UNC13B: variants seen among roughly 807,000 people sequenced by gnomAD.
The protein encoded by UNC13B is unc-13 homolog B, also known as protein unc-13 homolog B.
A neutral mutation model predicts 211.0 loss-of-function variants in UNC13B; 144 were observed. The observed-to-expected ratio is 0.68, with a 90% CI of 0.60 to 0.78. The LOEUF (loss-of-function observed/expected upper bound fraction) is 0.78, where lower values mean the gene tolerates loss of function less well. Among genes scored for constraint, UNC13B ranks in the 30% least tolerant of loss-of-function variants. The pLI, the probability that UNC13B is intolerant of heterozygous loss-of-function variation, is 0.00. For missense variants in UNC13B, 1,777 were observed against 2,002.0 expected, an observed-to-expected ratio of 0.89 and a Z score of 2.14; for synonymous variants, 709 against 725.8, an observed-to-expected ratio of 0.98 and a Z score of 0.37.
intron 1 of UNC13B, among the ~76,000 whole-genome samples, chr9:35,204,475 G>A (rs769398652): frequency 3.9e-5 from 6 of 152,176 alleles, no homozygotes; most frequent in African/African-American, 1.2e-4. Flanking sequence ...GGCACTCAAC[G>A]CCAGCCTGTG....
rs1169432214 is a variant in UNC13B, at chr9:35,165,688, A to T, written c.22+3383A>T. Among the ~76,000 whole-genome samples, 3 of 152,130 alleles carry T rather than the reference A, an allele frequency of 2.0e-5. No homozygotes were observed. In the East Asian group the frequency reaches 5.8e-4, roughly 29 times the overall value. ...CACCTCGGCCTCCCAAAGTGCTGGG[A>T]TTACAGGCGTGAGCCACTGCGCCCG... On this transcript the variant is annotated intron_variant, in intron 1 of 39. Coordinates refer to ENST00000635942, the MANE Select transcript of UNC13B (RefSeq NM_001371189.2).
At chr9:35,174,387 C>T (rs1045252889) in intron 1 of UNC13B, among the ~76,000 whole-genome samples, 2 of 151,208 alleles carry the variant, frequency 1.3e-5, no homozygotes, top group African/African-American at 2.4e-5. Flanking sequence ...GTGCAGAGTG[C>T]GATCTCGGCT....
At chr9:35,184,753 AAAGAAAGG>A (rs1186093968) in intron 1 of UNC13B, among the ~76,000 whole-genome samples, 2,351 of 90,440 alleles carry the variant, frequency 0.026, 57 homozygotes, top group African/African-American at 0.075. Flanking sequence ...AGAAAGAAAG[AAAGAAAGG>A]AAGGAAGGAA....
At chr9:35,256,539 A>G (rs1396569594) in intron 6 of UNC13B, among the ~76,000 whole-genome samples, 1 of 152,134 alleles carries the variant, frequency 6.6e-6, no homozygotes, top group East Asian at 1.9e-4. Flanking sequence ...CATTTTTGTC[A>G]TGAAAAAGTA....
chr9:35,325,821 C>T (rs1168627865), intron 11 of UNC13B, among the ~76,000 whole-genome samples: 1 of 152,192 alleles, frequency 6.6e-6, no homozygotes, highest in Non-Finnish European at 1.5e-5. Flanking sequence ...GGATTCCTAT[C>T]ATATGTGGCC....
chr9:35,375,377 C>G (rs1834334246), intron 14 of UNC13B, among the ~76,000 whole-genome samples, 176 bp downstream of exon 14: 2 of 152,204 alleles, frequency 1.3e-5, no homozygotes, highest in Admixed American at 1.3e-4. Flanking sequence ...AGACTCTAAG[C>G]AAGTCTAGAT....
At chr9:35,222,232 T>A (rs189101299) in intron 1 of UNC13B, among the ~76,000 whole-genome samples, 2 of 152,304 alleles carry the variant, frequency 1.3e-5, no homozygotes, top group East Asian at 3.9e-4. Context: ...CTTGAATATG[T>A]AGATTAATAT....
chr9:35,198,104 C>T (rs925070850), intron 1 of UNC13B, among the ~76,000 whole-genome samples: 26 of 152,164 alleles, frequency 1.7e-4, no homozygotes, highest in Admixed American at 1.3e-4. Context: ...CTATTCATAA[C>T]ATGTGTTCAA....
chr9:35,279,791 C>G (rs1181781725), intron 7 of UNC13B, among the ~76,000 whole-genome samples: 1 of 152,156 alleles, frequency 6.6e-6, no homozygotes, highest in Non-Finnish European at 1.5e-5. Context: ...TTCCCACTTA[C>G]AAAGTATGAG....
intron 7 of UNC13B, chr9:35,291,193 C>G: frequency 8.2e-7 from 1 of 1,225,682 alleles, no homozygotes; most frequent in Non-Finnish European, 1.2e-6. Context: ...GATATTCATG[C>G]ATAGACTTCC....
intron 7 of UNC13B, among the ~76,000 whole-genome samples, chr9:35,262,655 G>A (rs956813938): frequency 6.6e-6 from 1 of 152,084 alleles, no homozygotes; most frequent in Non-Finnish European, 1.5e-5. Flanking sequence ...ATCTGGCCAC[G>A]CACTGTGGCT....
chr9:35,398,446 G>T, intron 31 of UNC13B, 108 bp from the exon 32 acceptor site: 1 of 1,363,242 alleles, frequency 7.3e-7, no homozygotes, highest in South Asian at 1.2e-5. Context: ...GGCCCTGCGA[G>T]GGAGGAATAG....
At position 35,252,701 on chromosome 9, in the gene UNC13B, C is replaced by T. The variant is rs573273944; in HGVS notation, c.469-6292C>T. Among the ~76,000 whole-genome samples the T allele has an allele frequency of 1.1e-4, 17 of 152,104 alleles. No homozygotes were observed. The East Asian group carries it at 2.9e-3, about 26-fold the overall frequency. ...ATCCCAGCACTTTGGGAGGCCGAGACGGGCGGATCACGAGGTCAGGAGATC... is the reference window on the plus strand; with the variant it reads ...ATCCCAGCACTTTGGGAGGCCGAGATGGGCGGATCACGAGGTCAGGAGATC... On this transcript the variant is annotated intron_variant, in intron 6 of 39. Transcript: ENST00000635942.
intron 1 of UNC13B, among the ~76,000 whole-genome samples, chr9:35,210,881 T>A (rs1405796659): frequency 6.6e-6 from 1 of 152,132 alleles, no homozygotes; most frequent in Non-Finnish European, 1.5e-5. Flanking sequence ...AATCTTGCAA[T>A]GCCCCATAGA....
At chr9:35,274,729 T>C (rs1324391843) in intron 7 of UNC13B, among the ~76,000 whole-genome samples, 1 of 152,170 alleles carries the variant, frequency 6.6e-6, no homozygotes, top group Admixed American at 6.5e-5. Flanking sequence ...TATAAATGTA[T>C]CCACTTCTTG....
rs548072362 is a variant in UNC13B, at chr9:35,331,885, T to C, written c.9414+17896T>C. Among the ~76,000 whole-genome samples the C allele has an allele frequency of 5.9e-5, 9 of 152,312 alleles. No individual in the cohort carries two copies. The South Asian group carries it at 1.9e-3, about 32-fold the overall frequency. ...TCACTTTTAATCTCAAAACTGCATC[T>C]CTTCAGCCTCTAATCAAGAATCTTT... On this transcript the variant is annotated intron_variant, in intron 11 of 39. Coordinates refer to ENST00000635942, the MANE Select transcript of UNC13B (RefSeq NM_001371189.2).
chr9:35,222,145 G>T, intron 1 of UNC13B, among the ~76,000 whole-genome samples: 1 of 151,484 alleles, frequency 6.6e-6, no homozygotes. Context: ...CTGATCCTTT[G>T]CGTTTTCATA....
chr9:35,223,077 T>A (rs2131466376), intron 1 of UNC13B, among the ~76,000 whole-genome samples: 1 of 152,324 alleles, frequency 6.6e-6, no homozygotes, highest in Non-Finnish European at 1.5e-5. Context: ...ATATACCACA[T>A]TTTCTTCATT....
At chr9:35,290,334 A>G (rs1393885521) in intron 7 of UNC13B, among the ~76,000 whole-genome samples, 1 of 151,394 alleles carries the variant, frequency 6.6e-6, no homozygotes, top group African/African-American at 2.4e-5. Flanking sequence ...TTAGGAGCTC[A>G]TATGTCTTTC....
Sources: allele counts gnomAD v4.1 joint callset (sites outside exome capture counted in the v4.1 genomes callset), GRCh38; gene constraint gnomAD v4.1.1; transcripts MANE v1.5; gene names NCBI Gene and HGNC (gene_info 2026-07-23, HGNC 2026-07-21).